The following GRID2 variants were observed in gnomAD, a reference collection of about 807,000 sequenced individuals.
The protein encoded by GRID2 is glutamate ionotropic receptor delta type subunit 2.
In GRID2, 33 loss-of-function variants were observed where a neutral mutation model predicts 114.8. The ratio of observed to expected loss-of-function variants is 0.29; its 90% CI spans 0.22 to 0.38. The LOEUF is 0.38. Among genes scored for constraint, GRID2 ranks in the 10% least tolerant of loss-of-function variants. GRID2 has a pLI of 1.00. For missense variants in GRID2, 1,184 were observed against 1,257.7 expected (o/e 0.94, Z 0.89); for synonymous variants, 505 against 449.9 (o/e 1.12, Z -1.55).
At chr4:93,765,043 G>A (rs1028812508) in intron 14 of GRID2, among the ~76,000 whole-genome samples, 1 of 152,112 alleles carries the variant, frequency 6.6e-6, no homozygotes, top group African/African-American at 2.4e-5. Context: ...AGTGCTTTGG[G>A]AAGATTGAAG....
intron 2 of GRID2, among the ~76,000 whole-genome samples, chr4:92,727,113 T>A (rs1223632554): frequency 1.3e-5 from 2 of 152,040 alleles, no homozygotes; most frequent in African/African-American, 4.8e-5. Context: ...TCTCTCCAAT[T>A]AAAGCTTATT....
At chr4:92,389,878 A>G (rs1248948228) in intron 1 of GRID2, among the ~76,000 whole-genome samples, 1 of 152,118 alleles carries the variant, frequency 6.6e-6, no homozygotes, top group Non-Finnish European at 1.5e-5. Context: ...AATGTGGGTA[A>G]GAACACTGGA....
At chr4:92,852,732 C>T (rs1043364116) in intron 2 of GRID2, among the ~76,000 whole-genome samples, 4 of 151,852 alleles carry the variant, frequency 2.6e-5, no homozygotes, top group African/African-American at 7.3e-5. Context: ...CTCCTCGTGG[C>T]GCACTCTTTG....
intron 8 of GRID2, among the ~76,000 whole-genome samples, chr4:93,301,928 A>G (rs1433649): frequency 0.054 from 8,218 of 152,210 alleles, 746 homozygotes; most frequent in African/African-American, 0.19. Context: ...CTTGAGAGCC[A>G]CCTACATAAG....
chr4:92,609,339 T>C (rs537432998), intron 2 of GRID2, among the ~76,000 whole-genome samples: 5 of 151,810 alleles, frequency 3.3e-5, no homozygotes, highest in African/African-American at 1.2e-4. Flanking sequence ...GAATTCATGG[T>C]ACCAGTGTAA....
chr4:92,578,951 T>A (rs532367769), intron 1 of GRID2, among the ~76,000 whole-genome samples: 1 of 152,188 alleles, frequency 6.6e-6, no homozygotes, highest in Non-Finnish European at 1.5e-5. Context: ...GATACAAATG[T>A]TTGCCAATTT....
intron 2 of GRID2, among the ~76,000 whole-genome samples, chr4:92,685,655 AT>A (rs1033225971): frequency 8.5e-5 from 13 of 152,174 alleles, no homozygotes; most frequent in African/African-American, 2.6e-4. Flanking sequence ...CACTCATATG[AT>A]GTGGATAAAT....
At chr4:93,191,082 C>T (rs1740932656) in intron 4 of GRID2, among the ~76,000 whole-genome samples, 1 of 151,930 alleles carries the variant, frequency 6.6e-6, no homozygotes, top group Non-Finnish European at 1.5e-5. Context: ...GTTGATTATG[C>T]ATTTTTAATA....
intron 1 of GRID2, among the ~76,000 whole-genome samples, chr4:92,454,542 A>G (rs1379333569): frequency 1.3e-5 from 2 of 152,214 alleles, no homozygotes; most frequent in African/African-American, 4.8e-5. Context: ...GGCATGGAAC[A>G]TTCCCATCAA....
chr4:93,076,008 A>G (rs1181755153), intron 2 of GRID2, among the ~76,000 whole-genome samples: 2 of 144,082 alleles, frequency 1.4e-5, no homozygotes, highest in Non-Finnish European at 3.0e-5. Flanking sequence ...GGTTCACGCC[A>G]TTCTCCTGCC....
intron 2 of GRID2, among the ~76,000 whole-genome samples, chr4:92,623,007 A>G (rs575476251): frequency 2.6e-4 from 39 of 151,836 alleles, no homozygotes; most frequent in African/African-American, 8.9e-4. Context: ...AATAAGGTTC[A>G]TCACTATTGG....
rs144345270 is a variant in GRID2 at position 92,491,686 on chromosome 4, GGTGT to G, written c.89-98430_89-98427del. ...TTAATAAATAGCTGTTTCCTTATTG[GGTGT>G]GTGTGTGTGTGTGTACATGATGTCA... On this transcript the variant is annotated intron_variant, in intron 1 of 15. Coordinates refer to ENST00000282020, the MANE Select transcript of GRID2 (RefSeq NM_001510.4). Among the ~76,000 whole-genome samples the G allele has an allele frequency of 2.0e-5, 3 of 149,214 alleles. No homozygotes were observed. In the East Asian group the frequency reaches 5.9e-4, roughly 29 times the overall value.
At chr4:92,338,770 C>T (rs187097302) in intron 1 of GRID2, among the ~76,000 whole-genome samples, 28 of 152,060 alleles carry the variant, frequency 1.8e-4, no homozygotes, top group African/African-American at 5.1e-4. Context: ...TTTGTGTACA[C>T]GTAGAAAATC....
At chr4:92,679,474 TATAC>T (rs1733539439) in intron 2 of GRID2, among the ~76,000 whole-genome samples, 1 of 152,082 alleles carries the variant, frequency 6.6e-6, no homozygotes, top group South Asian at 2.1e-4. Flanking sequence ...TGTTTTTCAC[TATAC>T]CTATTTCAAG....
intron 11 of GRID2, among the ~76,000 whole-genome samples, chr4:93,461,900 T>C (rs1723778820): frequency 6.6e-6 from 1 of 152,194 alleles, no homozygotes. Flanking sequence ...TTTAGTTTAT[T>C]GGCAGTGACT....
chr4:93,542,863 CT>C (rs1732792113), intron 13 of GRID2, among the ~76,000 whole-genome samples: 1 of 152,190 alleles, frequency 6.6e-6, no homozygotes, highest in Non-Finnish European at 1.5e-5. Flanking sequence ...GCATCTTCTC[CT>C]TTCCTAGAAG....
intron 14 of GRID2, among the ~76,000 whole-genome samples, chr4:93,678,935 T>A (rs546941952): frequency 2.0e-5 from 3 of 150,298 alleles, no homozygotes; most frequent in Admixed American, 2.0e-4. Flanking sequence ...CAATATTAAC[T>A]TTAAATGTAA....
chr4:92,675,211 A>G (rs1000707870), intron 2 of GRID2, among the ~76,000 whole-genome samples: 3 of 152,136 alleles, frequency 2.0e-5, no homozygotes, highest in Non-Finnish European at 4.4e-5. Flanking sequence ...TGCCTGGGGT[A>G]TTCATCAAAG....
intron 14 of GRID2, among the ~76,000 whole-genome samples, chr4:93,679,777 A>G (rs1578551271): frequency 2.0e-5 from 3 of 150,982 alleles, no homozygotes; most frequent in African/African-American, 7.4e-5. Flanking sequence ...CATTTAAAGC[A>G]GTGTGTAGAG....
Sources: allele counts gnomAD v4.1 joint callset (sites outside exome capture counted in the v4.1 genomes callset), GRCh38; gene constraint gnomAD v4.1.1; transcripts MANE v1.5; gene names NCBI Gene and HGNC (gene_info 2026-07-23, HGNC 2026-07-21).